Variants in TRAF3IP2 observed in about 807,000 individuals in gnomAD.
The protein encoded by TRAF3IP2 is E3 ubiquitin ligase TRAF3IP2.
A neutral mutation model predicts 57.9 loss-of-function variants in TRAF3IP2; 35 were observed. The observed-to-expected ratio is 0.60, with a 90% CI of 0.46 to 0.80. The LOEUF (loss-of-function observed/expected upper bound fraction) is 0.80. Ranked by LOEUF, TRAF3IP2 falls within the 30% of genes least tolerant of loss-of-function variation. The pLI, the probability that TRAF3IP2 is intolerant of heterozygous loss-of-function variation, is 0.00. For missense variants in TRAF3IP2, 556 were observed against 706.4 expected (o/e 0.79, Z 2.41); for synonymous variants, 251 against 268.9 (o/e 0.93, Z 0.65).
At chr6:111,605,225 G>A (rs1796983435) in intron 1 of TRAF3IP2, among the ~76,000 whole-genome samples, 4 of 152,250 alleles carry the variant, frequency 2.6e-5, no homozygotes. Flanking sequence ...AGGCTGGGAG[G>A]GCTGGAGGGC....
intron 6 of TRAF3IP2, 38 bp downstream of exon 6, chr6:111,567,586 C>A (rs752587460): frequency 2.4e-5 from 38 of 1,575,014 alleles, no homozygotes; most frequent in Non-Finnish European, 3.3e-5. Flanking sequence ...TTGTCTTTCT[C>A]ACCAGAAAAC....
In TRAF3IP2 at chr6:111,555,911, G is replaced by A. The variant is rs1043396634; in HGVS notation, c.*3494C>T. On this transcript the variant is annotated 3_prime_UTR_variant, in exon 9 of 9. Coordinates refer to ENST00000368761, the MANE Select transcript of TRAF3IP2 (RefSeq NM_147686.4). Reference sequence around the variant, plus strand: ...GAGGTCAGGAGATCAAGACCATCCTGGCTAACACGGTGAAACCCCGTCTCT... The same window carrying A: ...GAGGTCAGGAGATCAAGACCATCCTAGCTAACACGGTGAAACCCCGTCTCT... Among the ~76,000 whole-genome samples the A allele has an allele frequency of 3.3e-5, 5 of 152,100 alleles. No individual in the cohort carries two copies. Among genetic ancestry groups the A allele is most frequent in the African/African-American group, 1.2e-4 (5 of 41,402 alleles).
chr6:111,595,910 C>T lies in TRAF3IP2; in HGVS notation c.-8-3816G>A, dbSNP rs907935431. Among the ~76,000 whole-genome samples, 6 of 152,180 alleles carry T rather than the reference C, an allele frequency of 3.9e-5. No individual in the cohort carries two copies. In the Middle Eastern group the frequency reaches 0.014, roughly 345 times the overall value. ...ACACAGAAAACATTCTTCCTACCTT[C>T]AAGTTGCTGTGATCCAGCCTAAGAG... On this transcript the variant is annotated intron_variant, in intron 1 of 8. Coordinates refer to ENST00000368761, the MANE Select transcript of TRAF3IP2 (RefSeq NM_147686.4).
chr6:111,561,060 T>C (rs1441155264), intron 8 of TRAF3IP2, among the ~76,000 whole-genome samples: 2 of 151,772 alleles, frequency 1.3e-5, no homozygotes, highest in African/African-American at 4.8e-5. Context: ...CGAGCACCTA[T>C]AACCCCAGCT....
chr6:111,591,302 T>C lies in TRAF3IP2; in HGVS notation c.785A>G (p.Asn262Ser). 1 of 1,513,112 alleles carries C rather than the reference T, an allele frequency of 6.6e-7. No homozygotes were observed. Among genetic ancestry groups the C allele is most frequent in the African/African-American group, 1.4e-5 (1 of 71,718 alleles). 93.7% of individuals were successfully genotyped at this position (1,513,112 alleles called of 1,614,324 possible). A position where few individuals can be genotyped will look rare whatever the true frequency, so the allele number is the denominator to read the frequency against. ...PPNLSPHAPW[N>S]YHYHCPGSPD... ...ACTTCCAGGACAATGGTAATGATAG[T>C]TCCATGGAGCATGTGGGGAAAGATT... The change falls in exon 2 of 9, where the codon AAC (asparagine) becomes AGC (serine). Residue 262 changes from asparagine (N) to serine (S), a missense_variant. By Grantham distance (46) the Asn-to-Ser change is conservative. This residue lies in a region of TRAF3IP2 where 428 missense variants were observed against 498.7 expected (regional missense o/e 0.86). Transcript: ENST00000368761. The surrounding 1 kb of genome is among the most constrained non-coding windows in gnomAD (Gnocchi z 4.9).
intron 7 of TRAF3IP2, among the ~76,000 whole-genome samples, chr6:111,565,074 A>G (rs151319687): frequency 1.5e-3 from 224 of 152,268 alleles, no homozygotes; most frequent in African/African-American, 5.2e-3. Context: ...AGGGAGCCTT[A>G]TCTCCTGACT....
intron 2 of TRAF3IP2, chr6:111,587,282 GTC>G (rs1467417927): frequency 1.3e-5 from 2 of 152,034 alleles, no homozygotes; most frequent in African/African-American, 4.8e-5. Context: ...TTAAGACTGA[GTC>G]TCATTCTGTT....
chr6:111,588,825 G>A (rs1011829057), intron 2 of TRAF3IP2, among the ~76,000 whole-genome samples: 3 of 152,150 alleles, frequency 2.0e-5, no homozygotes, highest in African/African-American at 7.2e-5. Context: ...AGATGCGTCT[G>A]ATGAAATACA....
Position 111,594,398 on chromosome 6 carries a change from T to A in TRAF3IP2, c.-8-2304A>T, listed in dbSNP as rs1324819953. The A allele has an allele frequency of 2.6e-5, 9 of 350,584 alleles. No homozygotes were observed. In the East Asian group the frequency reaches 7.6e-4, roughly 30 times the overall value. 21.7% of individuals were successfully genotyped at this position (350,584 alleles called of 1,614,324 possible). ...TTATTGCCATGGGATTTGCTTTCAA[T>A]CCTCACTCTTCAGGTACAACTATTT... On this transcript the variant is annotated intron_variant, in intron 1 of 8. Coordinates refer to ENST00000368761, the MANE Select transcript of TRAF3IP2 (RefSeq NM_147686.4).
intron 2 of TRAF3IP2, among the ~76,000 whole-genome samples, chr6:111,581,477 C>T (rs1167288849): frequency 6.6e-6 from 1 of 152,114 alleles, no homozygotes; most frequent in Non-Finnish European, 1.5e-5. Context: ...TAAAAATCCT[C>T]ATTGATCTTA....
intron 4 of TRAF3IP2, among the ~76,000 whole-genome samples, chr6:111,573,195 G>C (rs1157137566): frequency 1.3e-5 from 2 of 152,180 alleles, no homozygotes; most frequent in Non-Finnish European, 2.9e-5. Context: ...CCAAGGGAGT[G>C]CAGACTGCTC....
intron 5 of TRAF3IP2, among the ~76,000 whole-genome samples, chr6:111,570,406 A>T (rs1288812651): frequency 6.6e-6 from 1 of 152,180 alleles, no homozygotes; most frequent in Non-Finnish European, 1.5e-5. Context: ...CACTATCCCC[A>T]ATAAAATTGG....
At chr6:111,604,256 T>C (rs926072137) in intron 1 of TRAF3IP2, among the ~76,000 whole-genome samples, 1 of 152,208 alleles carries the variant, frequency 6.6e-6, no homozygotes, top group Non-Finnish European at 1.5e-5. Context: ...TGGAAAAAGT[T>C]AAGGATTCTG....
intron 2 of TRAF3IP2, among the ~76,000 whole-genome samples, chr6:111,587,649 C>T (rs532345009): frequency 6.6e-6 from 1 of 152,182 alleles, no homozygotes; most frequent in African/African-American, 2.4e-5. Context: ...CCACCAAGAT[C>T]ACCACTAGAT....
In TRAF3IP2 at chr6:111,591,121, G is replaced by C. The variant is rs976199197; in HGVS notation, c.829+137C>G. The stretch of plus-strand genomic sequence containing the variant: ...TTGCAAATCCAGCCACACATGGAAA[G>C]CCCCTAAGAGAAGCAGAATGCCCTC... On this transcript the variant is annotated intron_variant, in intron 2 of 8. Transcript: ENST00000368761. This position sits in a 1 kb window ranked among gnomAD's most constrained non-coding sequence, Gnocchi z 4.9. The C allele has an allele frequency of 2.7e-5, 16 of 586,868 alleles. No individual in the cohort carries two copies. In the African/African-American group the frequency reaches 3.0e-4, roughly 11 times the overall value. 36.4% of individuals were successfully genotyped at this position (586,868 alleles called of 1,614,324 possible).
At position 111,555,427 on chromosome 6, in the gene TRAF3IP2, A is replaced by G. The variant is rs571503760; in HGVS notation, c.*3978T>C. Among the ~76,000 whole-genome samples, 1 of 152,336 alleles carries G rather than the reference A, an allele frequency of 6.6e-6. No homozygotes were observed. The highest frequency in any genetic ancestry group is 1.9e-4 in the East Asian group (1 of 5,190). On this transcript the variant is annotated 3_prime_UTR_variant, in exon 9 of 9. Coordinates refer to ENST00000368761, the MANE Select transcript of TRAF3IP2 (RefSeq NM_147686.4). ...TTTAACAGGAAACAAAGAAAAAGGT[A>G]TCAACAGTAATAATTTTTCTGAGCA...
At position 111,601,552 on chromosome 6, in the gene TRAF3IP2, G is replaced by A. The variant is rs536855630; in HGVS notation, c.-9+4224C>T. 2.3e-5 allele frequency: 5 copies of A among 221,760 alleles called. No individual in the cohort carries two copies. The South Asian group carries it at 5.5e-4, about 24-fold the overall frequency. 13.7% of individuals were successfully genotyped at this position (221,760 alleles called of 1,614,324 possible). On this transcript the variant is annotated intron_variant, in intron 1 of 8. Transcript: ENST00000368761. The stretch of plus-strand genomic sequence containing the variant: ...ATAGCACAGCAAGGAACAGAGGAAG[G>A]ACAGGAGTGAGCAGCCTGAGTAATT...
chr6:111,559,444 T>G lies in TRAF3IP2; in HGVS notation c.1659A>C (p.Pro553=). The stretch of plus-strand genomic sequence containing the variant: ...CCTGAAGGGTGGGCAGAGGCCCCCG[T>G]GGAGGAGCCACATACTCTTCCTCTC... ...LLREEEYVAP[P]RGPLPTLQVV... is the part of the protein sequence containing the mutation. The change falls in exon 9 of 9, where the codon CCA becomes CCC. Residue 553 remains proline (P), a synonymous_variant. Coordinates refer to ENST00000368761, the MANE Select transcript of TRAF3IP2 (RefSeq NM_147686.4). 1 of 1,614,056 alleles carries G rather than the reference T, an allele frequency of 6.2e-7. No individual in the cohort carries two copies. The highest frequency in any genetic ancestry group is 8.5e-7 in the Non-Finnish European group (1 of 1,180,022).
rs1322709866 is a variant in TRAF3IP2, at chr6:111,583,532, CAT to C, written c.830-3145_830-3144del. Among the ~76,000 whole-genome samples, 6 of 152,300 alleles carry C rather than the reference CAT, an allele frequency of 3.9e-5. No homozygotes were observed. In the East Asian group the frequency reaches 1.2e-3, roughly 29 times the overall value. ...TGCAAACCCTATTGTGAACTGCGCA[CAT>C]GAGGGATCTAGGCTGCACGCTCCTT... On this transcript the variant is annotated intron_variant, in intron 2 of 8. Transcript: ENST00000368761.
Sources: gnomAD v4.1 joint callset for allele counts (sites outside exome capture counted in the v4.1 genomes callset) on GRCh38, gnomAD v4.1.1 for gene constraint, gnomAD v4.1.1 regional missense constraint, Gnocchi (gnomAD v3.1) non-coding constraint, MANE v1.5 for transcripts, NCBI Gene and HGNC (gene_info 2026-07-23, HGNC 2026-07-21) for gene names.